Variants in ZNF609 observed in about 807,000 individuals in gnomAD.
The protein encoded by ZNF609 is zinc finger protein 609.
A neutral mutation model predicts 109.5 loss-of-function variants in ZNF609; 11 were observed. That is an observed-to-expected ratio of 0.10 (90% CI 0.06 to 0.17). ZNF609 has a LOEUF of 0.17. Among genes scored for constraint, ZNF609 ranks in the 10% least tolerant of loss-of-function variants. The pLI, the probability that ZNF609 is intolerant of heterozygous loss-of-function variation, is 1.00. For missense variants in ZNF609, 1,559 were observed against 1,772.4 expected (o/e 0.88, Z 2.16); for synonymous variants, 646 against 662.0 (o/e 0.98, Z 0.37).
chr15:64,591,783 C>T (rs976285686), intron 2 of ZNF609, among the ~76,000 whole-genome samples: 17 of 151,838 alleles, frequency 1.1e-4, no homozygotes, highest in African/African-American at 2.9e-4. Flanking sequence ...TGCAGTGGCA[C>T]GATCTCGACC....
chr15:64,668,532 A>G (rs1467525888), intron 3 of ZNF609, among the ~76,000 whole-genome samples: 1 of 152,136 alleles, frequency 6.6e-6, no homozygotes, highest in Non-Finnish European at 1.5e-5. Context: ...TTGGAAAGCC[A>G]AGGCAGATGG....
intron 3 of ZNF609, among the ~76,000 whole-genome samples, chr15:64,663,017 A>G (rs962253195): frequency 2.0e-5 from 3 of 152,096 alleles, no homozygotes; most frequent in African/African-American, 7.2e-5. Context: ...ATACATACAG[A>G]TGTATGTATC....
chr15:64,616,482 T>C (rs916102427), intron 2 of ZNF609, among the ~76,000 whole-genome samples: 1 of 151,762 alleles, frequency 6.6e-6, no homozygotes, highest in African/African-American at 2.4e-5. Flanking sequence ...CTACCAACAT[T>C]GAGATCCTTA....
intron 2 of ZNF609, among the ~76,000 whole-genome samples, chr15:64,572,832 C>T (rs780437026): frequency 1.3e-5 from 2 of 152,030 alleles, no homozygotes; most frequent in Non-Finnish European, 2.9e-5. Context: ...AACCGGGAGG[C>T]GGAAGTTGTG....
chr15:64,542,056 G>C (rs551343072), intron 2 of ZNF609, among the ~76,000 whole-genome samples: 2 of 152,162 alleles, frequency 1.3e-5, no homozygotes, highest in South Asian at 4.1e-4. Flanking sequence ...GGCTGAAGCA[G>C]GAGGATCACT....
chr15:64,663,182 A>G (rs1412348064), intron 3 of ZNF609, among the ~76,000 whole-genome samples: 1 of 152,182 alleles, frequency 6.6e-6, no homozygotes, highest in Non-Finnish European at 1.5e-5. Context: ...AAGCTATTGC[A>G]ATAATTTAAG....
chr15:64,580,928 A>G (rs1375408561), intron 2 of ZNF609, among the ~76,000 whole-genome samples: 1 of 137,482 alleles, frequency 7.3e-6, no homozygotes, highest in Non-Finnish European at 1.5e-5. Flanking sequence ...GCAGTTGACA[A>G]CTCTGTTTTC....
chr15:64,601,405 C>T (rs933106623), intron 2 of ZNF609, among the ~76,000 whole-genome samples: 6 of 152,098 alleles, frequency 3.9e-5, no homozygotes, highest in Admixed American at 3.3e-4. Flanking sequence ...GTTTAAATCA[C>T]TTGAGGAAGG....
At chr15:64,617,469 C>T (rs902247166) in intron 2 of ZNF609, among the ~76,000 whole-genome samples, 8 of 151,508 alleles carry the variant, frequency 5.3e-5, no homozygotes, top group East Asian at 2.0e-4. Flanking sequence ...CCAGCCTGGA[C>T]GACAGAGCGA....
chr15:64,579,039 T>A (rs1383374685), intron 2 of ZNF609, among the ~76,000 whole-genome samples: 3 of 151,990 alleles, frequency 2.0e-5, no homozygotes, highest in South Asian at 2.1e-4. Flanking sequence ...CTGGATTTTT[T>A]AAAAATTAAA....
chr15:64,554,684 G>C (rs1381366515), intron 2 of ZNF609, among the ~76,000 whole-genome samples: 1 of 152,042 alleles, frequency 6.6e-6, no homozygotes, highest in African/African-American at 2.4e-5. Context: ...TCTTACTATG[G>C]TGAATTACAT....
chr15:64,622,362 C>T (rs1450672692), intron 2 of ZNF609, among the ~76,000 whole-genome samples: 1 of 152,078 alleles, frequency 6.6e-6, no homozygotes, highest in Non-Finnish European at 1.5e-5. Flanking sequence ...GGATTTTATG[C>T]CAGACTAATG....
At chr15:64,649,214 T>C (rs1228602305) in intron 3 of ZNF609, among the ~76,000 whole-genome samples, 2 of 152,202 alleles carry the variant, frequency 1.3e-5, no homozygotes, top group East Asian at 1.9e-4. Flanking sequence ...TTTAGTCATA[T>C]TGGTGGTTTT....
chr15:64,674,087 G>T lies in ZNF609; in HGVS notation c.1233G>T (p.Arg411=). 1.2e-6 allele frequency: 2 copies of T among 1,614,148 alleles called. No homozygotes were observed. Among genetic ancestry groups the T allele is most frequent in the South Asian group, 2.2e-5 (2 of 91,070 alleles). The change falls in exon 5 of 10, where the codon CGG becomes CGT. Residue 411 remains arginine, a synonymous_variant. Coordinates refer to ENST00000326648, the MANE Select transcript of ZNF609 (RefSeq NM_015042.2). Reference sequence around the variant, plus strand: ...CAGGAGCCAATAGCAAAGGCCGTCGGGGCAGCCAGAATTCTTCAGAGCACC... The same window carrying T: ...CAGGAGCCAATAGCAAAGGCCGTCGTGGCAGCCAGAATTCTTCAGAGCACC... ...TRAGANSKGR[R]GSQNSSEHRP... is the part of the protein sequence containing the mutation.
chr15:64,638,012 AT>A (rs1230409328), intron 3 of ZNF609, among the ~76,000 whole-genome samples: 1 of 139,956 alleles, frequency 7.1e-6, no homozygotes, highest in African/African-American at 2.6e-5. Flanking sequence ...ATATATATAT[AT>A]ATAAAATATA....
At chr15:64,510,614 A>G (rs1355906061) in intron 2 of ZNF609, among the ~76,000 whole-genome samples, 1 of 152,164 alleles carries the variant, frequency 6.6e-6, no homozygotes, top group Non-Finnish European at 1.5e-5. Flanking sequence ...GGGTTCGATA[A>G]TATCTGCCAT....
Position 64,607,842 on chromosome 15 carries a change from TC to T in ZNF609, c.748-14984del, listed in dbSNP as rs1198713819. On this transcript the variant is annotated intron_variant, in intron 2 of 9. Transcript: ENST00000326648. The stretch of plus-strand genomic sequence containing the variant: ...TTCTTTCTTTCTTTCTTTCTTTCTT[TC>T]TTTCTTTCTTTCTTTCTTTCTTTCT... Among the ~76,000 whole-genome samples, 2 of 25,034 alleles carry T rather than the reference TC, an allele frequency of 8.0e-5. 1 individual carries two copies. The highest frequency in any genetic ancestry group is 2.9e-4 in the Non-Finnish European group (2 of 6,944). The allele number at this position is 25,034 out of a possible 152,430, so 16.4% of individuals were successfully genotyped here.
intron 2 of ZNF609, among the ~76,000 whole-genome samples, chr15:64,570,678 A>G (rs768357384): frequency 6.6e-6 from 1 of 152,224 alleles, no homozygotes; most frequent in Non-Finnish European, 1.5e-5. Flanking sequence ...TAATATTATC[A>G]CGATGAGTTC....
At chr15:64,512,749 A>G (rs1893752271) in intron 2 of ZNF609, among the ~76,000 whole-genome samples, 1 of 152,138 alleles carries the variant, frequency 6.6e-6, no homozygotes, top group African/African-American at 2.4e-5. Context: ...TTTAAGTCTT[A>G]TGCCTGAAGA....
Sources: allele counts gnomAD v4.1 joint callset (sites outside exome capture counted in the v4.1 genomes callset), GRCh38; gene constraint gnomAD v4.1.1; transcripts MANE v1.5; gene names NCBI Gene and HGNC (gene_info 2026-07-23, HGNC 2026-07-21).